Variants in OTUD7B observed in about 807,000 individuals in gnomAD.
OTUD7B encodes OTU deubiquitinase 7B, also known as OTU domain-containing protein 7B.
A neutral mutation model predicts 82.2 loss-of-function variants in OTUD7B; 34 were observed. The ratio of observed to expected loss-of-function variants is 0.41; its 90% CI spans 0.31 to 0.55. The LOEUF (loss-of-function observed/expected upper bound fraction) is 0.55, where lower values mean the gene tolerates loss of function less well. Among genes scored for constraint, OTUD7B ranks in the 20% least tolerant of loss-of-function variants. OTUD7B has a pLI of 0.20. For synonymous variants in OTUD7B, 398 were observed against 402.7 expected, an observed-to-expected ratio of 0.99 and a Z score of 0.14; for missense variants, 944 against 1,062.1, an observed-to-expected ratio of 0.89 and a Z score of 1.55.
chr1:149,970,375 G>A (rs1259154266), intron 3 of OTUD7B, among the ~76,000 whole-genome samples: 4 of 148,748 alleles, frequency 2.7e-5, no homozygotes, highest in Non-Finnish European at 5.9e-5. Flanking sequence ...CTGGAGTGCA[G>A]TGGTGTAATC....
At chr1:149,986,218 A>G (rs1033300154) in intron 1 of OTUD7B, among the ~76,000 whole-genome samples, 11 of 150,544 alleles carry the variant, frequency 7.3e-5, no homozygotes, top group Non-Finnish European at 1.2e-4. Flanking sequence ...GAACTGAAGT[A>G]TATTTGTATG....
the OTUD7B span, among the ~76,000 whole-genome samples, chr1:150,031,381 G>A: frequency 1.3e-5 from 2 of 151,980 alleles, no homozygotes; most frequent in African/African-American, 4.8e-5. Context: ...AAATTTACCT[G>A]TCCTATTTTT....
At chr1:150,053,935 T>C in the OTUD7B span, 2 of 453,278 alleles carry the variant, frequency 4.4e-6, no homozygotes, top group Non-Finnish European at 7.1e-6. Context: ...CTGATGCTGG[T>C]GGCAAGGTGA....
chr1:150,052,004 G>A, the OTUD7B span, among the ~76,000 whole-genome samples: 2 of 152,076 alleles, frequency 1.3e-5, no homozygotes, highest in African/African-American at 4.8e-5. Context: ...AATAAACTAT[G>A]CATTAAAGGA....
At chr1:150,063,943 G>A in the OTUD7B span, among the ~76,000 whole-genome samples, 1 of 152,050 alleles carries the variant, frequency 6.6e-6, no homozygotes, top group Non-Finnish European at 1.5e-5. Flanking sequence ...TGATGGAGCA[G>A]GTCAAATCTT....
Position 149,940,445 on chromosome 1 carries a change from T to G in OTUD7B, c.*3412A>C, listed in dbSNP as rs587603963. 6.6e-6 allele frequency: 1 copy of G among 152,294 alleles called. No individual in the cohort carries two copies. Among genetic ancestry groups the G allele is most frequent in the African/African-American group, 2.4e-5 (1 of 41,540 alleles). 9.4% of individuals were successfully genotyped at this position (152,294 alleles called of 1,614,324 possible). A position where few individuals can be genotyped will look rare whatever the true frequency, so the allele number is the denominator to read the frequency against. ...ATAGGTTAAGGGAGAAGCGGAGGCC[T>G]ATCCTACAGTAATACTTACTCCATT... On this transcript the variant is annotated 3_prime_UTR_variant, in exon 12 of 12. Coordinates refer to ENST00000581312, the MANE Select transcript of OTUD7B (RefSeq NM_020205.4).
rs1220310908 is a variant in OTUD7B at position 149,940,184 on chromosome 1, T to C, written c.*3673A>G. 1 of 151,548 alleles carries C rather than the reference T, an allele frequency of 6.6e-6. No homozygotes were observed. The highest frequency in any genetic ancestry group is 1.5e-5 in the Non-Finnish European group (1 of 67,980). The allele number at this position is 151,548 out of a possible 1,614,324, so 9.4% of individuals were successfully genotyped here. On this transcript the variant is annotated 3_prime_UTR_variant, in exon 12 of 12. Coordinates refer to ENST00000581312, the MANE Select transcript of OTUD7B (RefSeq NM_020205.4). ...ATATACAACACGAAGTCACTGCTAA[T>C]TCTTGTTTGTCTGTGGGCCTTAGTT...
intron 7 of OTUD7B, among the ~76,000 whole-genome samples, chr1:149,958,094 C>T (rs1553774924): frequency 6.6e-6 from 1 of 152,150 alleles, no homozygotes. Flanking sequence ...ATGCAGAAAT[C>T]ATCCCTCTTC....
the OTUD7B span, among the ~76,000 whole-genome samples, chr1:150,035,613 T>A: frequency 6.6e-6 from 1 of 152,334 alleles, no homozygotes. Flanking sequence ...CTTACGTCAT[T>A]TTTACAGTTG....
chr1:150,015,290 C>CTTTTTTTTTTTTTTTTTTTTTTTTT (rs60374988), upstream of OTUD7B, among the ~76,000 whole-genome samples: 2 of 128,974 alleles, frequency 1.6e-5, no homozygotes, highest in Non-Finnish European at 3.1e-5. Flanking sequence ...TTTTCTTTCT[C>CTTTTTTTTTTTTTTTTTTTTTTTTT]TTTTTTTTTT....
chr1:149,989,505 T>C (rs1160322935), intron 1 of OTUD7B, among the ~76,000 whole-genome samples: 1 of 137,254 alleles, frequency 7.3e-6, no homozygotes, highest in Non-Finnish European at 1.5e-5. Context: ...CAATTAGAAA[T>C]TTGGGCCAGG....
chr1:150,042,890 A>T, the OTUD7B span, among the ~76,000 whole-genome samples: 4 of 152,200 alleles, frequency 2.6e-5, no homozygotes, highest in Non-Finnish European at 5.9e-5. Context: ...CCTAAACAGA[A>T]AATTGTCCAA....
chr1:149,954,096 G>T (rs1424969769), intron 7 of OTUD7B, among the ~76,000 whole-genome samples: 1 of 152,146 alleles, frequency 6.6e-6, no homozygotes, highest in Non-Finnish European at 1.5e-5. Flanking sequence ...GAATAGGAGT[G>T]GTGAGAAAGG....
the OTUD7B span, among the ~76,000 whole-genome samples, chr1:150,050,044 C>T: frequency 6.6e-6 from 1 of 151,964 alleles, no homozygotes; most frequent in Non-Finnish European, 1.5e-5. Context: ...AGACCCCCAT[C>T]TGTACAAAAC....
At chr1:150,065,429 C>T in the OTUD7B span, among the ~76,000 whole-genome samples, 2 of 152,002 alleles carry the variant, frequency 1.3e-5, no homozygotes, top group Non-Finnish European at 2.9e-5. Context: ...ATTTCTTGGA[C>T]CCAGTGAAAA....
chr1:149,973,568 G>A (rs1015043111), intron 2 of OTUD7B, among the ~76,000 whole-genome samples: 3 of 149,688 alleles, frequency 2.0e-5, no homozygotes, highest in African/African-American at 2.5e-5. Context: ...TCACTGGAAC[G>A]TTCTCCTCCT....
intron 6 of OTUD7B, chr1:149,961,963 G>C (rs1025881006): frequency 6.6e-6 from 1 of 152,026 alleles, no homozygotes; most frequent in Non-Finnish European, 1.5e-5. Context: ...GAGTCTATAC[G>C]GCTTAACCGC....
chr1:149,950,975 G>GTTTTGT (rs1376360627), intron 7 of OTUD7B, among the ~76,000 whole-genome samples: 1 of 12,244 alleles, frequency 8.2e-5, no homozygotes, highest in Admixed American at 1.1e-3. Context: ...TGTACTTTTT[G>GTTTTGT]TATTTTTTTT....
At chr1:150,014,017 CATATATACGT>C (rs1189941323), upstream of OTUD7B, among the ~76,000 whole-genome samples, 49 of 128,176 alleles carry the variant, frequency 3.8e-4, no homozygotes, top group East Asian at 7.5e-3. Flanking sequence ...TATACACACA[CATATATACGT>C]ATATATACGT....
Sources: allele counts gnomAD v4.1 joint callset (sites outside exome capture counted in the v4.1 genomes callset), GRCh38; gene constraint gnomAD v4.1.1; transcripts MANE v1.5; gene names NCBI Gene and HGNC (gene_info 2026-07-23, HGNC 2026-07-21).